The following PHLDB2 variants were observed in gnomAD, a reference collection of about 807,000 sequenced individuals.
PHLDB2 encodes the protein pleckstrin homology like domain family B member 2, also known as pleckstrin homology-like domain family B member 2.
Under a neutral mutation model 123.6 loss-of-function variants are expected in PHLDB2, and 71 were observed. That is an observed-to-expected ratio of 0.57 (90% CI 0.47 to 0.70). The LOEUF (loss-of-function observed/expected upper bound fraction) is 0.70, where lower values mean the gene tolerates loss of function less well. Ranked by LOEUF, PHLDB2 falls within the 30% of genes least tolerant of loss-of-function variation. The pLI is 0.00. For synonymous variants in PHLDB2, 547 were observed against 541.6 expected (o/e 1.01, Z -0.14); for missense variants, 1,446 against 1,519.5 (o/e 0.95, Z 0.80).
At chr3:111,924,044 T>C (rs2068676092) in intron 5 of PHLDB2, among the ~76,000 whole-genome samples, 1 of 152,070 alleles carries the variant, frequency 6.6e-6, no homozygotes, top group Admixed American at 6.6e-5. Context: ...AGAGTCACCT[T>C]CCTTTCTATC....
At chr3:111,933,940 A>G (rs1212997381) in intron 6 of PHLDB2, among the ~76,000 whole-genome samples, 1 of 152,224 alleles carries the variant, frequency 6.6e-6, no homozygotes, top group Non-Finnish European at 1.5e-5. Context: ...ATTGCTTTAC[A>G]TAAAAATTTA....
At chr3:111,832,693 TA>T (rs1203545325) in intron 1 of PHLDB2, among the ~76,000 whole-genome samples, 1,933 of 106,940 alleles carry the variant, frequency 0.018, 154 homozygotes, top group African/African-American at 0.042. Flanking sequence ...ATATAATATA[TA>T]TAATAGAATT....
At position 111,749,548 on chromosome 3, in the gene PHLDB2, G is replaced by A. The variant is rs576042341; in HGVS notation, c.-49+16845G>A. Among the ~76,000 whole-genome samples, 12 of 152,290 alleles carry A rather than the reference G, an allele frequency of 7.9e-5. 1 individual carries two copies. Among genetic ancestry groups the A allele is most frequent in the African/African-American group, 2.9e-4 (12 of 41,554 alleles). ...TACATTTACAGTGTCCTGGAGGGTAGTGGTGTTAAATTTAATTTGTCAACC... is the reference window on the plus strand; with the variant it reads ...TACATTTACAGTGTCCTGGAGGGTAATGGTGTTAAATTTAATTTGTCAACC... On this transcript the variant is annotated intron_variant, in intron 1 of 17. Coordinates refer to the PHLDB2 transcript ENST00000393923.
intron 2 of PHLDB2, among the ~76,000 whole-genome samples, chr3:111,890,265 A>C (rs1201402026): frequency 6.6e-6 from 1 of 152,204 alleles, no homozygotes; most frequent in Non-Finnish European, 1.5e-5. Flanking sequence ...AAACTTGGCC[A>C]AGGATTAGAA....
At chr3:111,936,096 C>T (rs751992191) in intron 6 of PHLDB2, among the ~76,000 whole-genome samples, 11 of 152,300 alleles carry the variant, frequency 7.2e-5, no homozygotes, top group Non-Finnish European at 1.5e-4. Context: ...CCTGGTCATA[C>T]CACATCTATT....
intron 6 of PHLDB2, among the ~76,000 whole-genome samples, chr3:111,936,165 T>C (rs1559911533): frequency 6.6e-6 from 1 of 152,166 alleles, no homozygotes; most frequent in Non-Finnish European, 1.5e-5. Flanking sequence ...TGTAAACTTC[T>C]GCCGTATACA....
At chr3:111,834,560 A>C (rs1012684811) in intron 1 of PHLDB2, among the ~76,000 whole-genome samples, 3 of 151,666 alleles carry the variant, frequency 2.0e-5, no homozygotes, top group Admixed American at 1.3e-4. Context: ...GTTTCTCAAC[A>C]CTGTGTTATC....
At chr3:111,961,620 T>C (rs2071417567) in intron 12 of PHLDB2, among the ~76,000 whole-genome samples, 1 of 152,180 alleles carries the variant, frequency 6.6e-6, no homozygotes, top group Non-Finnish European at 1.5e-5. Flanking sequence ...TGATATGAGA[T>C]ACGAGTTTCT....
intron 1 of PHLDB2, among the ~76,000 whole-genome samples, chr3:111,778,055 C>G (rs1392006175): frequency 6.6e-6 from 1 of 151,958 alleles, no homozygotes; most frequent in Non-Finnish European, 1.5e-5. Context: ...AACCTACTGC[C>G]CCTTGGGCAC....
At chr3:111,734,544 TG>T (rs1324475680) in intron 1 of PHLDB2, among the ~76,000 whole-genome samples, 1 of 152,210 alleles carries the variant, frequency 6.6e-6, no homozygotes, top group Non-Finnish European at 1.5e-5. Flanking sequence ...TAAAACAAAC[TG>T]GAAGCCCCTA....
intron 8 of PHLDB2, among the ~76,000 whole-genome samples, chr3:111,944,561 A>G (rs984858899): frequency 2.0e-5 from 3 of 152,210 alleles, no homozygotes; most frequent in African/African-American, 2.4e-5. Flanking sequence ...GTGATATTAC[A>G]TCATCAGATA....
intron 1 of PHLDB2, among the ~76,000 whole-genome samples, chr3:111,867,023 G>C (rs1315617156): frequency 2.0e-5 from 3 of 151,146 alleles, no homozygotes; most frequent in Non-Finnish European, 2.9e-5. Context: ...GGGTTTGACA[G>C]TTTTATGAAG....
chr3:111,855,463 TTTCC>T (rs1195714257), upstream of PHLDB2, among the ~76,000 whole-genome samples: 2 of 147,046 alleles, frequency 1.4e-5, no homozygotes, highest in African/African-American at 2.5e-5. Context: ...CTTCCCTCTT[TTTCC>T]TTCCTTCCTT....
At chr3:111,859,653 C>T in intron 1 of PHLDB2, 77 bp downstream of exon 1, 1 of 985,148 alleles carries the variant, frequency 1.0e-6, no homozygotes, top group Non-Finnish European at 1.2e-6. Context: ...CCCGGGGACG[C>T]TGCCTCCCCC....
intron 12 of PHLDB2, chr3:111,960,252 A>G: frequency 2.6e-6 from 1 of 386,320 alleles, no homozygotes; most frequent in Non-Finnish European, 3.5e-6. Flanking sequence ...TGACTATACC[A>G]GCTTCATTTA....
chr3:111,764,290 T>A (rs79461517), intron 1 of PHLDB2, among the ~76,000 whole-genome samples: 2,684 of 152,286 alleles, frequency 0.018, 73 homozygotes, highest in Non-Finnish European at 0.023. Flanking sequence ...AGAAATCCAT[T>A]AAGTAAGTTT....
chr3:111,814,736 G>T (rs1359754798), intron 1 of PHLDB2, among the ~76,000 whole-genome samples: 3 of 152,000 alleles, frequency 2.0e-5, no homozygotes, highest in Non-Finnish European at 4.4e-5. Flanking sequence ...TGTCCTCATG[G>T]CAGAAAGCAA....
intron 1 of PHLDB2, among the ~76,000 whole-genome samples, chr3:111,736,521 T>G (rs1044861282): frequency 6.6e-6 from 1 of 152,202 alleles, no homozygotes; most frequent in Non-Finnish European, 1.5e-5. Flanking sequence ...CTAAGTCCCT[T>G]AGATCTTGGG....
intron 1 of PHLDB2, among the ~76,000 whole-genome samples, chr3:111,745,802 AAAGAAAG>A (rs1239676246): frequency 3.8e-5 from 2 of 52,926 alleles, no homozygotes; most frequent in Non-Finnish European, 5.6e-5. Flanking sequence ...AAGAAAAGAG[AAAGAAAG>A]AAGAAAGAAA....
Sources: gnomAD v4.1 joint callset for allele counts (sites outside exome capture counted in the v4.1 genomes callset) on GRCh38, gnomAD v4.1.1 for gene constraint, MANE v1.5 for transcripts, NCBI Gene and HGNC (gene_info 2026-07-23, HGNC 2026-07-21) for gene names.